MTMR7: variants seen among roughly 807,000 people sequenced by gnomAD.
MTMR7 encodes myotubularin related protein 7.
Under a neutral mutation model 81.2 loss-of-function variants are expected in MTMR7, and 76 were observed. The observed-to-expected ratio is 0.94, with a 90% CI of 0.78 to 1.13. The LOEUF (loss-of-function observed/expected upper bound fraction) is 1.13. MTMR7 is among the 50% of genes most tolerant of loss of function. The probability of loss-of-function intolerance (pLI) is 0.00; values close to 1 mark genes in which losing one functional copy is unlikely to be tolerated. For missense variants in MTMR7, 1,044 were observed against 820.0 expected, an observed-to-expected ratio of 1.27 and a Z score of -3.34; for synonymous variants, 372 against 289.8, an observed-to-expected ratio of 1.28 and a Z score of -2.88.
At chr8:17,354,534 T>G (rs367625508) in intron 4 of MTMR7, among the ~76,000 whole-genome samples, 3 of 152,176 alleles carry the variant, frequency 2.0e-5, no homozygotes, top group East Asian at 3.8e-4. Context: ...CAGATAATAG[T>G]AATAATTAGC....
At chr8:17,374,774 C>T (rs1163884925) in intron 1 of MTMR7, among the ~76,000 whole-genome samples, 1 of 151,874 alleles carries the variant, frequency 6.6e-6, no homozygotes, top group Non-Finnish European at 1.5e-5. Context: ...GATCGTGCCA[C>T]TGAACTCCAG....
chr8:17,315,962 A>G (rs868769715), intron 7 of MTMR7, among the ~76,000 whole-genome samples: 9 of 152,200 alleles, frequency 5.9e-5, no homozygotes, highest in Admixed American at 4.6e-4. Context: ...GCAGTGAGCT[A>G]TGATCTTGCC....
chr8:17,327,276 A>G (rs990313453), intron 7 of MTMR7, among the ~76,000 whole-genome samples: 6 of 151,936 alleles, frequency 3.9e-5, no homozygotes, highest in African/African-American at 1.4e-4. Flanking sequence ...TCTATATCTT[A>G]TTTTATTTTT....
chr8:17,381,275 C>A (rs546839329), intron 1 of MTMR7, among the ~76,000 whole-genome samples: 6 of 152,030 alleles, frequency 3.9e-5, no homozygotes, highest in Non-Finnish European at 7.4e-5. Context: ...CCCTGGGCCC[C>A]ACCACCGCAC....
At position 17,297,256 on chromosome 8, in the gene MTMR7, T is replaced by C. The variant is rs145827019; in HGVS notation, c.*2606A>G. 2 of 152,216 alleles carry C rather than the reference T, an allele frequency of 1.3e-5. No individual in the cohort carries two copies. Among genetic ancestry groups the C allele is most frequent in the Non-Finnish European group, 2.9e-5 (2 of 67,964 alleles). 9.4% of individuals were successfully genotyped at this position (152,216 alleles called of 1,614,324 possible). The stretch of plus-strand genomic sequence containing the variant: ...AGATTTAAAGGTTAATATCTTAAAA[T>C]AGAAGAAAATTCTAAATCAATCAAT... On this transcript the variant is annotated 3_prime_UTR_variant, in exon 14 of 14. Coordinates refer to ENST00000180173, the MANE Select transcript of MTMR7 (RefSeq NM_004686.5).
At chr8:17,336,867 G>A (rs770224521) in intron 6 of MTMR7, among the ~76,000 whole-genome samples, 1 of 152,192 alleles carries the variant, frequency 6.6e-6, no homozygotes, top group Non-Finnish European at 1.5e-5. Flanking sequence ...GGCTCTGCTG[G>A]AGAATTTTTG....
At chr8:17,317,804 T>C (rs1195753261) in intron 7 of MTMR7, among the ~76,000 whole-genome samples, 2 of 152,212 alleles carry the variant, frequency 1.3e-5, no homozygotes, top group African/African-American at 2.4e-5. Flanking sequence ...TGCAGCTTTT[T>C]TTTCTAGTCT....
At chr8:17,398,000 T>C (rs1585122020) in intron 1 of MTMR7, among the ~76,000 whole-genome samples, 1 of 152,196 alleles carries the variant, frequency 6.6e-6, no homozygotes, top group Non-Finnish European at 1.5e-5. Context: ...CTGCAAAACA[T>C]GGGGTTTCTG....
chr8:17,317,241 T>C (rs1453197165), intron 7 of MTMR7, among the ~76,000 whole-genome samples: 1 of 152,210 alleles, frequency 6.6e-6, no homozygotes, highest in African/African-American at 2.4e-5. Flanking sequence ...GGATGCTGGC[T>C]GGCAGTGCCG....
intron 1 of MTMR7, among the ~76,000 whole-genome samples, chr8:17,394,498 G>A (rs1241065153): frequency 1.3e-5 from 2 of 152,070 alleles, no homozygotes; most frequent in African/African-American, 4.8e-5. Context: ...GTCCTGGATA[G>A]GCAAATCTCT....
At position 17,373,221 on chromosome 8, in the gene MTMR7, A is replaced by G. The variant is rs1820473947; in HGVS notation, c.44T>C (p.Val15Ala). The change falls in exon 2 of 14, where the codon GTA (valine) becomes GCA (alanine). Residue 15 changes from valine to alanine, a missense_variant. Coordinates refer to ENST00000180173, the MANE Select transcript of MTMR7 (RefSeq NM_004686.5). ...TGCTTTTTTAGGAGACACTCGATCT[A>G]CCAAGCGGACATTTTCAACCTAGAG... ...RTPKVENVRL[V>A]DRVSPKKAAL... The G allele has an allele frequency of 6.2e-7, 1 of 1,612,940 alleles. No individual in the cohort carries two copies. Among genetic ancestry groups the G allele is most frequent in the South Asian group, 1.1e-5 (1 of 90,824 alleles).
chr8:17,312,627 A>G (rs1039511841), intron 8 of MTMR7, among the ~76,000 whole-genome samples: 2 of 151,694 alleles, frequency 1.3e-5, no homozygotes, highest in African/African-American at 4.9e-5. Flanking sequence ...AGCAGAATAT[A>G]AGCTCTGTGA....
chr8:17,317,010 T>C (rs1006876522), intron 7 of MTMR7, among the ~76,000 whole-genome samples: 1 of 152,230 alleles, frequency 6.6e-6, no homozygotes, highest in Non-Finnish European at 1.5e-5. Flanking sequence ...TAATACTTGG[T>C]AATGCTGATG....
At chr8:17,402,006 A>G (rs2150584239) in intron 1 of MTMR7, among the ~76,000 whole-genome samples, 1 of 152,354 alleles carries the variant, frequency 6.6e-6, no homozygotes, top group South Asian at 2.1e-4. Context: ...TACTTTACAA[A>G]GGTCTCAAAT....
rs758718215 is a variant in MTMR7 at position 17,331,193 on chromosome 8, C to T, written c.822G>A (p.Glu274=). ...GACTGTTCCTCATGACATGGATGTT[C>T]TCTATCCCGATAAACTGAAACTTGA... The part of the protein sequence containing the change: ...SNIKFQFIGI[E]NIHVMRNSLQ... Residue 274 remains glutamate (E), a synonymous_variant, in exon 7 of 14, where the codon GAG becomes GAA. Transcript: ENST00000180173. 2 of 1,613,012 alleles carry T rather than the reference C, an allele frequency of 1.2e-6. No individual in the cohort carries two copies. Among genetic ancestry groups the T allele is most frequent in the South Asian group, 1.1e-5 (1 of 90,804 alleles).
intron 6 of MTMR7, among the ~76,000 whole-genome samples, chr8:17,339,453 C>T (rs1039362093): frequency 1.3e-5 from 2 of 152,176 alleles, no homozygotes; most frequent in African/African-American, 4.8e-5. Flanking sequence ...CAGCCCTCGG[C>T]AACCATCAGT....
intron 7 of MTMR7, among the ~76,000 whole-genome samples, chr8:17,326,089 A>G (rs796567728): frequency 6.6e-6 from 1 of 152,200 alleles, no homozygotes; most frequent in African/African-American, 2.4e-5. Flanking sequence ...CAGAGACTCA[A>G]TCAAGAACCC....
At chr8:17,373,475 G>T (rs1820481567) in intron 1 of MTMR7, among the ~76,000 whole-genome samples, 1 of 152,126 alleles carries the variant, frequency 6.6e-6, no homozygotes, top group Non-Finnish European at 1.5e-5. Flanking sequence ...TACCACAAAA[G>T]ATGTGTAGAT....
At chr8:17,312,768 A>G (rs1817863390) in intron 8 of MTMR7, among the ~76,000 whole-genome samples, 1 of 152,158 alleles carries the variant, frequency 6.6e-6, no homozygotes, top group Admixed American at 6.5e-5. Flanking sequence ...CAGGGAAGAT[A>G]TGGTTCTCTT....
Sources: allele counts gnomAD v4.1 joint callset (sites outside exome capture counted in the v4.1 genomes callset), GRCh38; gene constraint gnomAD v4.1.1; transcripts MANE v1.5; gene names NCBI Gene and HGNC (gene_info 2026-07-23, HGNC 2026-07-21).